ST6GALNAC3: variants seen among roughly 807,000 people sequenced by gnomAD.
ST6GALNAC3 encodes ST6 N-acetylgalactosaminide alpha-2,6-sialyltransferase 3.
A neutral mutation model predicts 32.7 loss-of-function variants in ST6GALNAC3; 25 were observed. The observed-to-expected ratio is 0.76, with a 90% CI of 0.56 to 1.07. The LOEUF (loss-of-function observed/expected upper bound fraction) is 1.07, where lower values mean the gene tolerates loss of function less well. Ranked by LOEUF, ST6GALNAC3 falls within the 50% of genes least tolerant of loss-of-function variation. The pLI is 0.00. For synonymous variants in ST6GALNAC3, 129 were observed against 133.1 expected, an observed-to-expected ratio of 0.97 and a Z score of 0.21; for missense variants, 355 against 382.4, an observed-to-expected ratio of 0.93 and a Z score of 0.60.
intron 3 of ST6GALNAC3, among the ~76,000 whole-genome samples, chr1:76,486,525 T>A (rs1025379304): frequency 2.0e-5 from 3 of 152,226 alleles, no homozygotes; most frequent in Non-Finnish European, 2.9e-5. Flanking sequence ...AAGTCTGTTT[T>A]ATCAGAGACT....
chr1:76,449,812 A>C (rs1415394502), intron 3 of ST6GALNAC3, among the ~76,000 whole-genome samples: 2 of 151,668 alleles, frequency 1.3e-5, no homozygotes, highest in Admixed American at 6.6e-5. Flanking sequence ...TATTTTAATC[A>C]ATTTATTTGT....
At chr1:76,379,901 G>T (rs750519129) in intron 2 of ST6GALNAC3, among the ~76,000 whole-genome samples, 6 of 152,156 alleles carry the variant, frequency 3.9e-5, no homozygotes, top group Non-Finnish European at 5.9e-5. Context: ...GGCGAAACAG[G>T]AGGACCATAG....
At chr1:76,487,846 A>G (rs1660228230) in intron 3 of ST6GALNAC3, among the ~76,000 whole-genome samples, 1 of 152,006 alleles carries the variant, frequency 6.6e-6, no homozygotes, top group Non-Finnish European at 1.5e-5. Flanking sequence ...TTTTTCCCCC[A>G]TCTTTGTGGT....
chr1:76,346,446 C>G (rs1648520803), intron 2 of ST6GALNAC3, among the ~76,000 whole-genome samples: 1 of 152,192 alleles, frequency 6.6e-6, no homozygotes, highest in Non-Finnish European at 1.5e-5. Flanking sequence ...CCTTTCTGTG[C>G]TCAGTCAAGA....
intron 3 of ST6GALNAC3, among the ~76,000 whole-genome samples, chr1:76,510,076 A>G (rs1312227647): frequency 1.3e-5 from 2 of 152,168 alleles, no homozygotes; most frequent in Non-Finnish European, 2.9e-5. Flanking sequence ...GCTGAGACTG[A>G]TCCTGTAGGG....
In ST6GALNAC3 at chr1:76,630,814, G is replaced by A; in HGVS notation, c.*2008G>A. 1.0e-6 allele frequency: 1 copy of A among 985,476 alleles called. No individual in the cohort carries two copies. The highest frequency in any genetic ancestry group is 1.2e-6 in the Non-Finnish European group (1 of 829,754). 61.0% of individuals were successfully genotyped at this position (985,476 alleles called of 1,614,324 possible). ...CAATTTTTAATTCTATGAATGTTAA[G>A]TTTTTTTGAGCTAATGATAGATAGA... On this transcript the variant is annotated 3_prime_UTR_variant, in exon 5 of 5. Coordinates refer to ENST00000328299, the MANE Select transcript of ST6GALNAC3 (RefSeq NM_152996.4).
chr1:76,448,621 G>A (rs961936217), intron 3 of ST6GALNAC3, among the ~76,000 whole-genome samples: 2 of 152,118 alleles, frequency 1.3e-5, no homozygotes, highest in African/African-American at 4.8e-5. Context: ...CCCTGTGGGA[G>A]CATGGTTTCC....
chr1:76,381,408 G>A (rs776703666), intron 2 of ST6GALNAC3, among the ~76,000 whole-genome samples: 13 of 152,072 alleles, frequency 8.5e-5, no homozygotes, highest in Non-Finnish European at 1.5e-4. Flanking sequence ...ATAAAATCTA[G>A]CTAATAGGTA....
chr1:76,566,056 T>C (rs973228075), intron 3 of ST6GALNAC3, among the ~76,000 whole-genome samples: 2 of 152,162 alleles, frequency 1.3e-5, no homozygotes, highest in African/African-American at 4.8e-5. Flanking sequence ...TAAGATTCTG[T>C]TTTTAAAGAA....
chr1:76,339,995 A>C (rs1647825308), intron 2 of ST6GALNAC3, among the ~76,000 whole-genome samples: 1 of 152,364 alleles, frequency 6.6e-6, no homozygotes, highest in East Asian at 1.9e-4. Flanking sequence ...TGGCAAGAAT[A>C]CATTCCCTGA....
rs58114434 is a variant in ST6GALNAC3 at position 76,390,946 on chromosome 1, A to ATTTTTTTTTTTTTTTTTT, written c.214-21051_214-21050insTTTTTTTTTTTTTTTTTT. Among the ~76,000 whole-genome samples the ATTTTTTTTTTTTTTTTTT allele has an allele frequency of 7.7e-3, 931 of 120,266 alleles. 13 individuals carry two copies. The highest frequency in any genetic ancestry group is 0.019 in the Middle Eastern group (4 of 206). The allele number at this position is 120,266 out of a possible 152,430, so 78.9% of individuals were successfully genotyped here. ...TTAAAATGCTTATATATATATATGT[A>ATTTTTTTTTTTTTTTTTT]TTTTTTTTTTTGAGATGGAGTCTCG... On this transcript the variant is annotated intron_variant, in intron 2 of 4. Transcript: ENST00000328299.
At chr1:76,570,350 C>A (rs1665788674) in intron 3 of ST6GALNAC3, among the ~76,000 whole-genome samples, 1 of 151,838 alleles carries the variant, frequency 6.6e-6, no homozygotes, top group Admixed American at 6.6e-5. Context: ...TCTCTTCTTC[C>A]TTTTCTCTCC....
intron 1 of ST6GALNAC3, among the ~76,000 whole-genome samples, chr1:76,093,907 C>T (rs1339988378): frequency 6.6e-6 from 1 of 152,256 alleles, no homozygotes; most frequent in Non-Finnish European, 1.5e-5. Context: ...TTCTAAGCTG[C>T]TGCTGTGGGT....
intron 1 of ST6GALNAC3, among the ~76,000 whole-genome samples, chr1:76,227,546 T>C (rs1416077242): frequency 6.6e-6 from 1 of 152,178 alleles, no homozygotes; most frequent in African/African-American, 2.4e-5. Flanking sequence ...AAATTAAAAT[T>C]GTAGAGGATA....
Position 76,155,531 on chromosome 1 carries a change from A to G in ST6GALNAC3, c.18+80647A>G, listed in dbSNP as rs550403065. On this transcript the variant is annotated intron_variant, in intron 1 of 4. Coordinates refer to ENST00000328299, the MANE Select transcript of ST6GALNAC3 (RefSeq NM_152996.4). ...CGTCCAGGCTGGAGTGCGGTGGCGC[A>G]ATCTCGGCTCACTGCAAGCTCCGCC... is the stretch of plus-strand genomic sequence containing the variant. Among the ~76,000 whole-genome samples, 22 of 151,972 alleles carry G rather than the reference A, an allele frequency of 1.4e-4. 1 individual carries two copies. The South Asian group carries it at 4.2e-3, about 29-fold the overall frequency.
At chr1:76,621,112 C>G (rs1027875080) in intron 3 of ST6GALNAC3, among the ~76,000 whole-genome samples, 8 of 148,868 alleles carry the variant, frequency 5.4e-5, no homozygotes, top group South Asian at 2.4e-4. Context: ...ACAGTCGTTT[C>G]TTATTATTCT....
intron 2 of ST6GALNAC3, among the ~76,000 whole-genome samples, chr1:76,325,591 T>C (rs1009520683): frequency 2.0e-5 from 3 of 150,630 alleles, no homozygotes; most frequent in Admixed American, 1.3e-4. Context: ...ATTTATTGGA[T>C]TGAAGAAAGT....
chr1:76,181,098 C>A (rs555760035), intron 1 of ST6GALNAC3, among the ~76,000 whole-genome samples: 1 of 152,208 alleles, frequency 6.6e-6, no homozygotes, highest in African/African-American at 2.4e-5. Flanking sequence ...AGCATCCCAA[C>A]CCCTGCACCT....
At chr1:76,447,935 T>C (rs1340531439) in intron 3 of ST6GALNAC3, among the ~76,000 whole-genome samples, 1 of 151,748 alleles carries the variant, frequency 6.6e-6, no homozygotes, top group Non-Finnish European at 1.5e-5. Flanking sequence ...CCACAGAGAG[T>C]CCTTACTGGG....
Sources: gnomAD v4.1 joint callset for allele counts (sites outside exome capture counted in the v4.1 genomes callset) on GRCh38, gnomAD v4.1.1 for gene constraint, MANE v1.5 for transcripts, NCBI Gene and HGNC (gene_info 2026-07-23, HGNC 2026-07-21) for gene names.